Variants in MTF1 observed in about 807,000 individuals in gnomAD.
MTF1 encodes MRE-binding transcription factor.
MTF1 carries 22 observed loss-of-function variants against 70.4 expected under a neutral mutation model. The observed-to-expected ratio is 0.31, with a 90% confidence interval of 0.22 to 0.45. MTF1 has a LOEUF of 0.45. Among genes scored for constraint, MTF1 ranks in the 20% least tolerant of loss-of-function variants. The probability of loss-of-function intolerance (pLI) is 1.00; values close to 1 mark genes in which losing one functional copy is unlikely to be tolerated. For synonymous variants in MTF1, 333 were observed against 352.8 expected, an observed-to-expected ratio of 0.94 and a Z score of 0.63; for missense variants, 649 against 922.0, an observed-to-expected ratio of 0.70 and a Z score of 3.83.
In MTF1 at chr1:37,851,920, ACTT is replaced by A. The variant is rs1641423740; in HGVS notation, c.408+5328_408+5330del. 2.0e-5 allele frequency among the ~76,000 whole-genome samples: 3 copies of A among 150,844 alleles called. 1 individual carries two copies. The South Asian group carries it at 6.3e-4, about 31-fold the overall frequency. ...CCTCCTGTTTCCTCATCACTCACTC[ACTT>A]CTTCATCACTCAAAACCTGGCTTCA... On this transcript the variant is annotated intron_variant, in intron 2 of 10. Transcript: ENST00000373036.
At chr1:37,834,953 T>C (rs1202912173) in intron 6 of MTF1, 126 bp downstream of exon 6, 4 of 1,007,200 alleles carry the variant, frequency 4.0e-6, no homozygotes, top group Non-Finnish European at 6.0e-6. Flanking sequence ...GACACTGATC[T>C]TGACCCTGAC....
chr1:37,818,003 A>G (rs1414396733), intron 9 of MTF1, among the ~76,000 whole-genome samples: 1 of 152,230 alleles, frequency 6.6e-6, no homozygotes, highest in African/African-American at 2.4e-5. Context: ...TGGGCCCTGG[A>G]TTCAGCCACA....
intron 1 of MTF1, among the ~76,000 whole-genome samples, chr1:37,859,155 G>A (rs1040723445): frequency 1.5e-4 from 23 of 152,206 alleles, no homozygotes; most frequent in Non-Finnish European, 2.9e-4. Flanking sequence ...ACCCTCGGCG[G>A]CAACGCGGAG....
At chr1:37,834,584 T>C in intron 6 of MTF1, 3 of 454,854 alleles carry the variant, frequency 6.6e-6, no homozygotes, top group Non-Finnish European at 1.3e-5. Flanking sequence ...TAGGACAGTC[T>C]ATTGTGGAGT....
intron 2 of MTF1, among the ~76,000 whole-genome samples, chr1:37,843,679 T>C (rs1451281263): frequency 6.6e-6 from 1 of 152,224 alleles, no homozygotes; most frequent in African/African-American, 2.4e-5. Flanking sequence ...GAATTTCATA[T>C]ACCATGATAT....
At position 37,815,702 on chromosome 1, in the gene MTF1, G is replaced by T; in HGVS notation, c.1832-136C>A. ...GGATGGTTGCCACACTTCGGGCTTC[G>T]TTCTGCTTTAAATTGGACCACATGC... On this transcript the variant is annotated intron_variant, in intron 10 of 10. Coordinates refer to ENST00000373036, the MANE Select transcript of MTF1 (RefSeq NM_005955.3). This position sits in a 1 kb window ranked among gnomAD's most constrained non-coding sequence, Gnocchi z 4.5. The T allele has an allele frequency of 4.8e-6, 3 of 628,992 alleles. No homozygotes were observed. Among genetic ancestry groups the T allele is most frequent in the Non-Finnish European group, 5.3e-6 (2 of 379,020 alleles). The allele number at this position is 628,992 out of a possible 1,614,324, so 39.0% of individuals were successfully genotyped here.
intron 1 of MTF1, among the ~76,000 whole-genome samples, chr1:37,858,326 C>T (rs1034159398): frequency 1.3e-5 from 2 of 152,212 alleles, no homozygotes; most frequent in Admixed American, 6.5e-5. Flanking sequence ...TTGCCTTTTA[C>T]TACATGGGTA....
chr1:37,825,816 T>A (rs900679), intron 7 of MTF1, among the ~76,000 whole-genome samples: 146,201 of 152,288 alleles, frequency 0.96, 70,459 homozygotes, highest in East Asian at 1. Flanking sequence ...TTAACATTTT[T>A]TTTTTTCTAG....
intron 1 of MTF1, among the ~76,000 whole-genome samples, chr1:37,859,216 G>A (rs542219174): frequency 2.0e-5 from 3 of 152,226 alleles, no homozygotes; most frequent in Non-Finnish European, 4.4e-5. Context: ...TAGCCAACGA[G>A]GAGTGCGAAC....
chr1:37,814,967 C>T lies in MTF1; in HGVS notation c.*169G>A. On this transcript the variant is annotated 3_prime_UTR_variant, in exon 11 of 11. Transcript: ENST00000373036. The stretch of plus-strand genomic sequence containing the variant: ...TTTTGTTTTTTTCCAAAGAATAGTT[C>T]CTTAAAATGGATGCTCCTGGGATGT... The T allele has an allele frequency of 6.5e-6, 4 of 611,614 alleles. No homozygotes were observed. Among genetic ancestry groups the T allele is most frequent in the East Asian group, 2.8e-5 (1 of 35,414 alleles). 37.9% of individuals were successfully genotyped at this position (611,614 alleles called of 1,614,324 possible). A position where few individuals can be genotyped will look rare whatever the true frequency, so the allele number is the denominator to read the frequency against.
chr1:37,834,280 T>C (rs1217516102), intron 6 of MTF1, among the ~76,000 whole-genome samples: 1 of 151,846 alleles, frequency 6.6e-6, no homozygotes, highest in African/African-American at 2.4e-5. Context: ...CAGGCCAGAA[T>C]GTGTAGGGCC....
At chr1:37,859,011 AC>A in intron 1 of MTF1, among the ~76,000 whole-genome samples, 1 of 152,212 alleles carries the variant, frequency 6.6e-6, no homozygotes, top group East Asian at 1.9e-4. Context: ...GTTACCAGAG[AC>A]AGGCCAAAGG....
At chr1:37,817,820 T>G (rs1463168268) in intron 9 of MTF1, among the ~76,000 whole-genome samples, 3 of 152,210 alleles carry the variant, frequency 2.0e-5, no homozygotes, top group African/African-American at 7.2e-5. Flanking sequence ...CTAGCTTTCC[T>G]TCAGGCTCTC....
intron 10 of MTF1, among the ~76,000 whole-genome samples, chr1:37,816,269 TG>T (rs1640817103): frequency 1.3e-5 from 2 of 152,204 alleles, no homozygotes; most frequent in African/African-American, 4.8e-5. Context: ...CAGTGGCTCA[TG>T]CCTGTATGTA....
chr1:37,824,314 T>A (rs1304629197), intron 7 of MTF1, among the ~76,000 whole-genome samples: 1 of 152,182 alleles, frequency 6.6e-6, no homozygotes, highest in Non-Finnish European at 1.5e-5. Flanking sequence ...GACCATGGAA[T>A]CAACAAAGCC....
chr1:37,828,090 A>G lies in MTF1; in HGVS notation c.1068+4155T>C, dbSNP rs569728095. On this transcript the variant is annotated intron_variant, in intron 7 of 10. Coordinates refer to ENST00000373036, the MANE Select transcript of MTF1 (RefSeq NM_005955.3). ...TGAATGACCTGTAACTGTATGTAAT[A>G]ATATGGCTTAATTTCTTAAACATAA... 4.3e-4 allele frequency: 153 copies of G among 353,330 alleles called. 1 individual carries two copies. Among genetic ancestry groups the G allele is most frequent in the South Asian group, 3.4e-3 (151 of 44,948 alleles). 21.9% of individuals were successfully genotyped at this position (353,330 alleles called of 1,614,324 possible).
At chr1:37,845,937 G>A (rs72917979) in intron 2 of MTF1, among the ~76,000 whole-genome samples, 4,742 of 152,232 alleles carry the variant, frequency 0.031, 223 homozygotes, top group East Asian at 0.23. Flanking sequence ...TCACTATTCT[G>A]TGTCTTTCAG....
chr1:37,821,160 A>G (rs1226977740), intron 9 of MTF1, among the ~76,000 whole-genome samples: 1 of 149,014 alleles, frequency 6.7e-6, no homozygotes, highest in African/African-American at 2.4e-5. Context: ...TGGGTGACAG[A>G]GCCTCAAAAT....
At chr1:37,853,698 A>T (rs1641450487) in intron 2 of MTF1, among the ~76,000 whole-genome samples, 2 of 152,156 alleles carry the variant, frequency 1.3e-5, no homozygotes, top group African/African-American at 4.8e-5. Flanking sequence ...TGTATTCTTT[A>T]AGACCAGCTC....
Sources: allele counts gnomAD v4.1 joint callset (sites outside exome capture counted in the v4.1 genomes callset), GRCh38; gene constraint gnomAD v4.1.1; non-coding constraint Gnocchi (gnomAD v3.1); transcripts MANE v1.5; gene names NCBI Gene and HGNC (gene_info 2026-07-23, HGNC 2026-07-21).